SELENOP: variants seen among roughly 807,000 people sequenced by gnomAD.
The protein encoded by SELENOP is selenoprotein P, also known as selenoprotein P, plasma, 1.
SELENOP carries 36 observed loss-of-function variants against 41.0 expected under a neutral mutation model. The ratio of observed to expected loss-of-function variants is 0.88; its 90% confidence interval spans 0.67 to 1.16. The LOEUF (loss-of-function observed/expected upper bound fraction) is 1.16. Among genes scored for constraint, SELENOP ranks in the 50% most tolerant of loss-of-function variants. The pLI is 0.00. For missense variants in SELENOP, 440 were observed against 454.2 expected (o/e 0.97, Z 0.28); for synonymous variants, 144 against 150.8 (o/e 0.95, Z 0.33).
intron 4 of SELENOP, among the ~76,000 whole-genome samples, chr5:42,802,552 G>A (rs1297119779): frequency 6.6e-6 from 1 of 152,164 alleles, no homozygotes; most frequent in Non-Finnish European, 1.5e-5. Context: ...ACTGTGTAAT[G>A]TTCAAAGTGT....
intron 1 of SELENOP, among the ~76,000 whole-genome samples, chr5:42,809,279 C>A (rs1190011195): frequency 6.6e-6 from 1 of 152,172 alleles, no homozygotes; most frequent in Non-Finnish European, 1.5e-5. Context: ...TATGACTAGA[C>A]AGCACTTTCT....
At chr5:42,806,227 T>C (rs1317196823) in intron 3 of SELENOP, 2 of 152,228 alleles carry the variant, frequency 1.3e-5, no homozygotes, top group African/African-American at 4.8e-5. Flanking sequence ...TAGTGGATGA[T>C]GACTGGGAGT....
Position 42,801,141 on chromosome 5 carries a change from C to T in SELENOP, c.725G>A (p.Gly242Asp), listed in dbSNP as rs775303625. The change falls in exon 5 of 5, where the codon GGC becomes GAC. Residue 242 changes from glycine to aspartate, a missense_variant. Physicochemically the swap from Gly to Asp is moderately conservative, Grantham distance 94 (BLOSUM62 -1). Transcript: ENST00000514985. ...CTTGTGCTTATGGTGGTGATGAAGGCCTGGAGGAGCAGGATGAGTAGGAGC... is the reference window on the plus strand; with the variant it reads ...CTTGTGCTTATGGTGGTGATGAAGGTCTGGAGGAGCAGGATGAGTAGGAGC... ...PNAPTHPAPP[G>D]LHHHHKHKGQ... 1.9e-6 allele frequency: 3 copies of T among 1,613,962 alleles called. No homozygotes were observed. The Admixed American group carries it at 5.0e-5, about 27-fold the overall frequency.
chr5:42,803,542 A>T (rs925948043), intron 4 of SELENOP, among the ~76,000 whole-genome samples: 1 of 152,328 alleles, frequency 6.6e-6, no homozygotes, highest in Non-Finnish European at 1.5e-5. Context: ...TAAAAATTTG[A>T]GGCGGCTTTC....
chr5:42,806,997 A>C lies in SELENOP; in HGVS notation c.315T>G (p.Asn105Lys). 1 of 1,605,210 alleles carries C rather than the reference A, an allele frequency of 6.2e-7. No individual in the cohort carries two copies. The highest frequency in any genetic ancestry group is 1.3e-5 in the African/African-American group (1 of 74,854). The change falls in exon 3 of 5, where the codon AAT becomes AAG. Residue 105 changes from asparagine (N) to lysine (K), a missense_variant. Asn to Lys is a moderately conservative substitution (Grantham distance 94). Transcript: ENST00000514985. ...SSRLKYTHLK[N>K]KVSEHIPVYQ... ...AAACAGGAATATGCTCTGAAACCTTATTCTTAAGATGTGTGTATTTTAATC... is the reference window on the plus strand; with the variant it reads ...AAACAGGAATATGCTCTGAAACCTTCTTCTTAAGATGTGTGTATTTTAATC...
chr5:42,808,053 T>G, intron 2 of SELENOP, 98 bp downstream of exon 2: 1 of 521,092 alleles, frequency 1.9e-6, no homozygotes. Flanking sequence ...AAGTGTGACT[T>G]AATACATTAT....
chr5:42,808,162 C>A lies in SELENOP; in HGVS notation c.192G>T (p.Leu64=). The A allele has an allele frequency of 6.6e-7, 1 of 1,516,496 alleles. No homozygotes were observed. The highest frequency in any genetic ancestry group is 8.8e-7 in the Non-Finnish European group (1 of 1,132,616). 93.9% of individuals were successfully genotyped at this position (1,516,496 alleles called of 1,614,324 possible). A position where few individuals can be genotyped will look rare whatever the true frequency, so the allele number is the denominator to read the frequency against. The change falls in exon 2 of 5, where the codon CTG becomes CTT. Residue 64 remains leucine (L), a synonymous_variant. Transcript: ENST00000514985. ...AAAGACTGTCTTACTTAGATGCCTG[C>A]AGTATGCACAGGTATCAGCTGGCTT... ...LLQASUYLCI[L]QASKLEDLRV... is the part of the protein sequence containing the mutation.
intron 1 of SELENOP, 77 bp from the exon 2 acceptor site, chr5:42,808,443 A>C (rs1760386673): frequency 2.0e-6 from 1 of 492,222 alleles, no homozygotes. Flanking sequence ...TAAATCCTGC[A>C]GACATAATTC....
Position 42,804,765 on chromosome 5 carries a change from C to A in SELENOP, c.425G>T (p.Arg142Leu), listed in dbSNP as rs751175304. 24 of 1,576,300 alleles carry A rather than the reference C, an allele frequency of 1.5e-5. No individual in the cohort carries two copies. In the South Asian group the frequency reaches 1.7e-4, roughly 11 times the overall value. Reference sequence around the variant, plus strand: ...AGGCAAACCAAGATGATATACAAGACGGCCACATCTAAGAAAAAGGACAAA... The same window carrying A: ...AGGCAAACCAAGATGATATACAAGAAGGCCACATCTAAGAAAAAGGACAAA... ...DDFLIYDRCGRLVYHLGLPFS... is the reference protein window; with the variant it reads ...DDFLIYDRCGLLVYHLGLPFS... The change falls in exon 4 of 5, where the codon CGT becomes CTT. Residue 142 changes from arginine to leucine, a missense_variant. Transcript: ENST00000514985.
intron 1 of SELENOP, chr5:42,809,830 TTAAC>T (rs1235931612): frequency 6.2e-5 from 49 of 793,484 alleles, no homozygotes; most frequent in Non-Finnish European, 6.9e-5. Context: ...AGAGGACAAA[TTAAC>T]TTACTTATTT....
At chr5:42,803,003 T>C (rs1760247511) in intron 4 of SELENOP, among the ~76,000 whole-genome samples, 1 of 152,244 alleles carries the variant, frequency 6.6e-6, no homozygotes, top group African/African-American at 2.4e-5. Context: ...GAATGTACCA[T>C]ACTGTTGGTG....
chr5:42,803,390 C>T (rs2111630186), intron 4 of SELENOP, among the ~76,000 whole-genome samples: 1 of 152,162 alleles, frequency 6.6e-6, no homozygotes, highest in South Asian at 2.1e-4. Flanking sequence ...TTAGTATTTT[C>T]TTCCATTACC....
intron 1 of SELENOP, chr5:42,809,670 A>T (rs1760418145): frequency 3.2e-6 from 1 of 314,458 alleles, no homozygotes; most frequent in South Asian, 1.2e-4. Flanking sequence ...TTAAAATCAG[A>T]TTGATCTGGG....
At chr5:42,804,396 G>A (rs1760283628) in intron 4 of SELENOP, among the ~76,000 whole-genome samples, 1 of 152,102 alleles carries the variant, frequency 6.6e-6, no homozygotes, top group Non-Finnish European at 1.5e-5. Flanking sequence ...GGGAGGCGGA[G>A]CTTGCAGTGA....
chr5:42,803,352 T>C (rs1437496371), intron 4 of SELENOP, among the ~76,000 whole-genome samples: 1 of 152,166 alleles, frequency 6.6e-6, no homozygotes, highest in Non-Finnish European at 1.5e-5. Flanking sequence ...TTAGTATAGG[T>C]TGAGTTAGTA....
At chr5:42,801,657 C>T (rs932052499) in intron 4 of SELENOP, 1 of 339,574 alleles carries the variant, frequency 2.9e-6, no homozygotes, top group Non-Finnish European at 5.3e-6. Context: ...TGGCTCATGC[C>T]TGTAATCCCA....
chr5:42,804,571 C>A (rs1335440919), intron 4 of SELENOP, 85 bp downstream of exon 4: 18 of 710,018 alleles, frequency 2.5e-5, no homozygotes, highest in Non-Finnish European at 4.3e-5. Flanking sequence ...CCTGCAAAAG[C>A]ATTGAGTTTT....
In SELENOP at chr5:42,801,114, C is replaced by A; in HGVS notation, c.752G>T (p.Gly251Val). Residue 251 changes from glycine (G) to valine (V), a missense_variant, in exon 5 of 5, where the codon GGT (glycine) becomes GTT (valine). Gly to Val is a moderately radical substitution (Grantham distance 109, BLOSUM62 -3). Transcript: ENST00000514985. ...CTCTGGGTGACCCTGCCTATGCTGA[C>A]CCTTGTGCTTATGGTGGTGATGAAG... is the stretch of plus-strand genomic sequence containing the variant. ...PGLHHHHKHK[G>V]QHRQGHPENR... is the part of the protein sequence containing the mutation. 1.2e-6 allele frequency: 2 copies of A among 1,614,110 alleles called. No individual in the cohort carries two copies. Among genetic ancestry groups the A allele is most frequent in the Middle Eastern group, 1.6e-4 (1 of 6,062 alleles).
chr5:42,809,691 C>G (rs904793698), intron 1 of SELENOP: 6 of 432,332 alleles, frequency 1.4e-5, no homozygotes, highest in Middle Eastern at 1.1e-3. Flanking sequence ...CTTTAATGCA[C>G]TGGTAGATAT....
Sources: gnomAD v4.1 joint callset for allele counts (sites outside exome capture counted in the v4.1 genomes callset) on GRCh38, gnomAD v4.1.1 for gene constraint, MANE v1.5 for transcripts, NCBI Gene and HGNC (gene_info 2026-07-23, HGNC 2026-07-21) for gene names.